The following FHIT variants were observed in gnomAD, a reference collection of about 807,000 sequenced individuals.
FHIT encodes the protein fragile histidine triad diadenosine triphosphatase.
Under a neutral mutation model 17.9 loss-of-function variants are expected in FHIT, and 19 were observed. The observed-to-expected ratio is 1.06, with a 90% CI of 0.74 to 1.56. The LOEUF (loss-of-function observed/expected upper bound fraction) is 1.56. Among genes scored for constraint, FHIT ranks in the 40% most tolerant of loss-of-function variants. FHIT has a pLI of 0.00. For missense variants in FHIT, 248 were observed against 189.2 expected, an observed-to-expected ratio of 1.31 and a Z score of -1.82; for synonymous variants, 81 against 69.7, an observed-to-expected ratio of 1.16 and a Z score of -0.81.
chr3:60,366,205 T>C (rs753736169), intron 5 of FHIT, among the ~76,000 whole-genome samples: 1 of 152,210 alleles, frequency 6.6e-6, no homozygotes, highest in Non-Finnish European at 1.5e-5. Flanking sequence ...AGATGGAGTC[T>C]CACTCTGTCA....
chr3:60,609,586 C>T (rs1238932789), intron 4 of FHIT, among the ~76,000 whole-genome samples: 1 of 152,074 alleles, frequency 6.6e-6, no homozygotes, highest in Non-Finnish European at 1.5e-5. Context: ...CGGCCTCCCA[C>T]AGTGCTGGAA....
At chr3:60,461,063 G>A (rs572269941) in intron 5 of FHIT, among the ~76,000 whole-genome samples, 3 of 144,378 alleles carry the variant, frequency 2.1e-5, no homozygotes, top group East Asian at 1.9e-4. Flanking sequence ...CTCCCTTAAC[G>A]TTAACGGCAA....
rs183589656 is a variant in FHIT, at chr3:60,280,912, G to A, written c.103+255948C>T. Among the ~76,000 whole-genome samples the A allele has an allele frequency of 4.9e-5, 3 of 61,614 alleles. No individual in the cohort carries two copies. The Admixed American group carries it at 5.8e-4, about 12-fold the overall frequency. 40.4% of individuals were successfully genotyped at this position (61,614 alleles called of 152,430 possible). On this transcript the variant is annotated intron_variant, in intron 5 of 9. Coordinates refer to ENST00000492590, the MANE Select transcript of FHIT (RefSeq NM_002012.4). ...AAAATAAAACTGTTTTTGCTCTCAT[G>A]ATATGGCTGACTATGTAGAAAAATC...
chr3:60,070,125 A>G (rs1210983063), intron 5 of FHIT, among the ~76,000 whole-genome samples: 1 of 152,090 alleles, frequency 6.6e-6, no homozygotes, highest in African/African-American at 2.4e-5. Flanking sequence ...GGCCACATCC[A>G]AGTCACAGGG....
chr3:61,126,885 T>G (rs1256109726), intron 2 of FHIT, among the ~76,000 whole-genome samples: 1 of 151,916 alleles, frequency 6.6e-6, no homozygotes, highest in Non-Finnish European at 1.5e-5. Flanking sequence ...TACAAGTTCC[T>G]GGAAGTAAAG....
chr3:60,469,798 C>T (rs1220131248), intron 5 of FHIT, among the ~76,000 whole-genome samples: 1 of 152,070 alleles, frequency 6.6e-6, no homozygotes, highest in East Asian at 1.9e-4. Context: ...GGAAGGCTTT[C>T]CAGGTATTTG....
intron 1 of FHIT, among the ~76,000 whole-genome samples, chr3:61,250,953 A>G (rs1178712811): frequency 1.3e-5 from 2 of 152,176 alleles, no homozygotes; most frequent in Admixed American, 6.5e-5. Context: ...CTACTTGTCT[A>G]TGAAACTGAC....
At chr3:60,298,449 G>GC (rs1433395745) in intron 5 of FHIT, among the ~76,000 whole-genome samples, 1 of 152,126 alleles carries the variant, frequency 6.6e-6, no homozygotes, top group Non-Finnish European at 1.5e-5. Flanking sequence ...GGAACCAGGG[G>GC]CAGAGGCCAA....
intron 7 of FHIT, among the ~76,000 whole-genome samples, chr3:59,952,400 C>G (rs1163593508): frequency 6.6e-6 from 1 of 151,724 alleles, no homozygotes; most frequent in Non-Finnish European, 1.5e-5. Flanking sequence ...TCTCCCCACT[C>G]CCAGTCAGCC....
intron 5 of FHIT, among the ~76,000 whole-genome samples, chr3:60,304,382 C>T (rs1006599281): frequency 6.6e-6 from 1 of 151,764 alleles, no homozygotes; most frequent in Non-Finnish European, 1.5e-5. Flanking sequence ...AGCAAATGAC[C>T]ACCACACCTC....
chr3:59,999,943 G>C (rs1479424273), intron 7 of FHIT, among the ~76,000 whole-genome samples: 2 of 152,094 alleles, frequency 1.3e-5, no homozygotes, highest in South Asian at 2.1e-4. Flanking sequence ...AGTAATGCAG[G>C]CTTCAAGTCT....
intron 5 of FHIT, among the ~76,000 whole-genome samples, chr3:60,197,510 T>C (rs1576293568): frequency 6.6e-6 from 1 of 152,094 alleles, no homozygotes; most frequent in South Asian, 2.1e-4. Context: ...ACAAAATGAG[T>C]TGAGCTAAAG....
At chr3:59,980,872 A>G (rs1708623995) in intron 7 of FHIT, among the ~76,000 whole-genome samples, 1 of 152,216 alleles carries the variant, frequency 6.6e-6, no homozygotes, top group African/African-American at 2.4e-5. Context: ...AGCATCCCAA[A>G]TGAACTAAAC....
At chr3:60,220,261 C>A (rs375163158) in intron 5 of FHIT, among the ~76,000 whole-genome samples, 1 of 152,184 alleles carries the variant, frequency 6.6e-6, no homozygotes, top group African/African-American at 2.4e-5. Context: ...TGTCAAAAAT[C>A]AGACCTGATA....
intron 6 of FHIT, among the ~76,000 whole-genome samples, chr3:60,013,140 T>C (rs978390792): frequency 5.9e-5 from 9 of 152,220 alleles, no homozygotes; most frequent in African/African-American, 2.2e-4. Context: ...GCACTTTTAG[T>C]CAGAGCCTTC....
chr3:60,014,387 A>C (rs1700260953), intron 5 of FHIT, among the ~76,000 whole-genome samples: 1 of 152,236 alleles, frequency 6.6e-6, no homozygotes, highest in Non-Finnish European at 1.5e-5. Context: ...ATTTCTTGCA[A>C]AAGAAAGGGA....
chr3:60,835,309 T>G (rs1702497157), intron 3 of FHIT, among the ~76,000 whole-genome samples: 1 of 152,158 alleles, frequency 6.6e-6, no homozygotes, highest in African/African-American at 2.4e-5. Flanking sequence ...GTATATCAAT[T>G]TGGGAAGTAT....
At chr3:61,065,299 A>G (rs1559954345) in intron 2 of FHIT, among the ~76,000 whole-genome samples, 1 of 151,702 alleles carries the variant, frequency 6.6e-6, no homozygotes, top group Non-Finnish European at 1.5e-5. Flanking sequence ...ACACACATAC[A>G]CACACAGGCT....
chr3:60,699,922 T>A (rs2041203343), intron 4 of FHIT, among the ~76,000 whole-genome samples: 1 of 151,864 alleles, frequency 6.6e-6, no homozygotes, highest in Non-Finnish European at 1.5e-5. Context: ...GGCAGGTGGA[T>A]CATCTGAGGT....
Sources: gnomAD v4.1 joint callset for allele counts (sites outside exome capture counted in the v4.1 genomes callset) on GRCh38, gnomAD v4.1.1 for gene constraint, MANE v1.5 for transcripts, NCBI Gene and HGNC (gene_info 2026-07-23, HGNC 2026-07-21) for gene names.